Variants in WNK3 observed in about 807,000 individuals in gnomAD.
The protein encoded by WNK3 is WNK lysine deficient protein kinase 3.
Under a neutral mutation model 116.7 loss-of-function variants are expected in WNK3, and 18 were observed. The ratio of observed to expected loss-of-function variants is 0.15; its 90% CI spans 0.11 to 0.23. The LOEUF (loss-of-function observed/expected upper bound fraction) is 0.23, where lower values mean the gene tolerates loss of function less well. Among genes scored for constraint, WNK3 ranks in the 10% least tolerant of loss-of-function variants. The probability of loss-of-function intolerance (pLI) is 1.00; values close to 1 mark genes in which losing one functional copy is unlikely to be tolerated. For missense variants in WNK3, 993 were observed against 1,323.8 expected, an observed-to-expected ratio of 0.75 and a Z score of 3.88; for synonymous variants, 404 against 469.4, an observed-to-expected ratio of 0.86 and a Z score of 1.80.
At chrX:54,352,400 A>C (rs1195431317) in intron 1 of WNK3, among the ~76,000 whole-genome samples, 1 of 111,313 alleles carries the variant, frequency 9.0e-6, no homozygotes, top group Non-Finnish European at 1.9e-5. Flanking sequence ...AGGGCCAGGC[A>C]CAGTGGTTCA....
intron 6 of WNK3, among the ~76,000 whole-genome samples, chrX:54,300,409 C>T (rs1294980887): frequency 9.0e-6 from 1 of 111,500 alleles, no homozygotes; most frequent in Non-Finnish European, 1.9e-5. Context: ...ATCCTCCTGC[C>T]TCGGCCTCCC....
At chrX:54,240,997 G>C (rs900503376) in intron 17 of WNK3, among the ~76,000 whole-genome samples, 1 of 111,613 alleles carries the variant, frequency 9.0e-6, no homozygotes. Context: ...AGAATGAACT[G>C]GTTGGGATAA....
Position 54,254,102 on chromosome X carries a change from A to AGAGTC in WNK3, c.2251-32_2251-28dup, listed in dbSNP as rs781822122. The AGAGTC allele has an allele frequency of 8.6e-6, 9 of 1,041,965 alleles. No homozygotes were observed. In the Admixed American group the frequency reaches 2.1e-4, roughly 24 times the overall value. The allele number at this position is 1,041,965 out of a possible 1,213,427, so 85.9% of individuals were successfully genotyped here. A position where few individuals can be genotyped will look rare whatever the true frequency, so the allele number is the denominator to read the frequency against. On this transcript the variant is annotated intron_variant, in intron 12 of 23. Coordinates refer to ENST00000354646, the Ensembl canonical transcript of WNK3. ...TGAGTACAAACATTTTACCGGTTTA[A>AGAGTC]GAGTCAATCACTGTCTTCTTTTTGC...
intron 5 of WNK3, among the ~76,000 whole-genome samples, chrX:54,307,612 T>C (rs951606010): frequency 3.6e-5 from 4 of 111,669 alleles, no homozygotes; most frequent in African/African-American, 1.3e-4. Context: ...AGAAACCATG[T>C]AGTCGGTCTC....
chrX:54,314,605 C>CA (rs1159147055), intron 2 of WNK3, among the ~76,000 whole-genome samples: 1 of 110,346 alleles, frequency 9.1e-6, no homozygotes, highest in African/African-American at 3.3e-5. Context: ...CCTGTCTCTA[C>CA]AAAAAATACA....
intron 10 of WNK3, among the ~76,000 whole-genome samples, chrX:54,286,120 C>T (rs1263933427): frequency 9.2e-6 from 1 of 109,289 alleles, no homozygotes; most frequent in African/African-American, 3.3e-5. Context: ...AAGTATACAA[C>T]ACGTGCAATC....
At chrX:54,249,882 A>T in intron 16 of WNK3, 112 bp downstream of exon 16, 1 of 956,515 alleles carries the variant, frequency 1.0e-6, no homozygotes, top group Non-Finnish European at 1.4e-6. Flanking sequence ...AAAAAAGCTT[A>T]TGAAAATTCT....
At chrX:54,254,133 G>T in intron 12 of WNK3, 58 bp from the exon 13 acceptor site, 2 of 763,068 alleles carry the variant, frequency 2.6e-6, no homozygotes, top group Non-Finnish European at 3.9e-6. Flanking sequence ...TTTGCAAATT[G>T]TGCAAGGAAC....
chrX:54,197,168 T>G (rs2067451016), exon 24 of WNK3: 1 of 111,708 alleles, frequency 9.0e-6, no homozygotes, highest in Admixed American at 9.6e-5. Context: ...AATACAAGGA[T>G]TCCCCCCAAA....
At chrX:54,286,730 T>C (rs2068585315) in intron 10 of WNK3, among the ~76,000 whole-genome samples, 1 of 109,397 alleles carries the variant, frequency 9.1e-6, no homozygotes, top group African/African-American at 3.3e-5. Context: ...CTGGGCAACA[T>C]GGTGAATCCC....
intron 2 of WNK3, among the ~76,000 whole-genome samples, chrX:54,312,308 G>A (rs199812453): frequency 3.6e-5 from 4 of 110,726 alleles, no homozygotes; most frequent in Non-Finnish European, 5.7e-5. Flanking sequence ...CCTTGGTGAC[G>A]GAGTGAGACC....
At chrX:54,241,269 A>T (rs1340639786) in intron 17 of WNK3, among the ~76,000 whole-genome samples, 1 of 111,982 alleles carries the variant, frequency 8.9e-6, no homozygotes, top group Non-Finnish European at 1.9e-5. Context: ...CATGTCCCAT[A>T]CCTTTCCCAC....
In WNK3 at chrX:54,335,228, G is replaced by A. The variant is rs897008008; in HGVS notation, c.-119-1436C>T. On this transcript the variant is annotated intron_variant, in intron 1 of 23. Coordinates refer to ENST00000354646, the Ensembl canonical transcript of WNK3. ...TGCGCCACTGCACTCCAGCCTGGGC[G>A]ACGGAGACTCTGTCTCAAAAAACAA... Among the ~76,000 whole-genome samples, 3 of 110,739 alleles carry A rather than the reference G, an allele frequency of 2.7e-5. No homozygotes were observed. In the East Asian group the frequency reaches 8.4e-4, roughly 31 times the overall value.
At chrX:54,308,105 T>C in intron 4 of WNK3, 26 bp from the exon 5 acceptor site, 1 of 1,151,090 alleles carries the variant, frequency 8.7e-7, no homozygotes, top group African/African-American at 1.8e-5. Flanking sequence ...ACCACCACAT[T>C]CTTATAGAAG....
At chrX:54,343,833 A>AT (rs1339253798) in intron 1 of WNK3, among the ~76,000 whole-genome samples, 1 of 108,401 alleles carries the variant, frequency 9.2e-6, no homozygotes, top group Non-Finnish European at 1.9e-5. Flanking sequence ...CTAATTTTTA[A>AT]TTTTTTTTGT....
At chrX:54,231,529 C>T (rs1557148914) in intron 21 of WNK3, among the ~76,000 whole-genome samples, 1 of 111,703 alleles carries the variant, frequency 9.0e-6, no homozygotes, top group African/African-American at 3.3e-5. Flanking sequence ...GTCTGTGGCA[C>T]TCTTCCTCCA....
At chrX:54,308,181 C>A in intron 4 of WNK3, 102 bp from the exon 5 acceptor site, 1 of 758,096 alleles carries the variant, frequency 1.3e-6, no homozygotes, top group Non-Finnish European at 1.8e-6. Flanking sequence ...AATTTCTACT[C>A]CCCCAAAGCA....
chrX:54,324,810 T>C (rs2069079772), intron 2 of WNK3, among the ~76,000 whole-genome samples: 1 of 112,671 alleles, frequency 8.9e-6, no homozygotes, highest in Non-Finnish European at 1.9e-5. Context: ...AATGTCCCAG[T>C]GCGAATACTG....
chrX:54,198,390 C>A, exon 24 of WNK3: 2 of 1,210,343 alleles, frequency 1.7e-6, no homozygotes, highest in Non-Finnish European at 2.2e-6. Context: ...CCTGCATATT[C>A]ATCCCTGGCT....
Sources: allele counts gnomAD v4.1 joint callset (sites outside exome capture counted in the v4.1 genomes callset), GRCh38; gene constraint gnomAD v4.1.1; transcripts MANE v1.5; gene names NCBI Gene and HGNC (gene_info 2026-07-23, HGNC 2026-07-21).